Variants in UBE3D observed in about 807,000 individuals in gnomAD.
The protein encoded by UBE3D is E3 ubiquitin-protein ligase E3D.
In UBE3D, 48 loss-of-function variants were observed where a neutral mutation model predicts 49.6. The ratio of observed to expected loss-of-function variants is 0.97; its 90% CI spans 0.77 to 1.23. The LOEUF (loss-of-function observed/expected upper bound fraction) is 1.23. Ranked by LOEUF, UBE3D falls within the 50% of genes most tolerant of loss-of-function variation. The probability of loss-of-function intolerance (pLI) is 0.00; values close to 1 mark genes in which losing one functional copy is unlikely to be tolerated. For missense variants in UBE3D, 452 were observed against 468.4 expected, an observed-to-expected ratio of 0.96 and a Z score of 0.32; for synonymous variants, 189 against 174.2, an observed-to-expected ratio of 1.08 and a Z score of -0.67.
At chr6:82,908,761 C>T (rs966263351) in intron 9 of UBE3D, among the ~76,000 whole-genome samples, 1 of 152,158 alleles carries the variant, frequency 6.6e-6, no homozygotes, top group Admixed American at 6.6e-5. Context: ...CTTTCAAATA[C>T]ACTCTTCCTT....
rs547885207 is a variant in UBE3D, at chr6:83,021,454, A to C, written c.846+999T>G. On this transcript the variant is annotated intron_variant, in intron 7 of 9. Transcript: ENST00000369747. ...AAGACCTTGTCTCAAAAAAACAAAAAACAAACAGGAGCAATAGGACATATT... is the reference window on the plus strand; with the variant it reads ...AAGACCTTGTCTCAAAAAAACAAAACACAAACAGGAGCAATAGGACATATT... Among the ~76,000 whole-genome samples, 3 of 152,166 alleles carry C rather than the reference A, an allele frequency of 2.0e-5. No homozygotes were observed. In the South Asian group the frequency reaches 6.2e-4, roughly 32 times the overall value.
chr6:82,941,188 A>T (rs891874388), intron 9 of UBE3D, among the ~76,000 whole-genome samples: 1 of 152,220 alleles, frequency 6.6e-6, no homozygotes, highest in Non-Finnish European at 1.5e-5. Flanking sequence ...CCTGGGTGAC[A>T]GAGCAAGACT....
At chr6:82,982,586 C>G (rs746098524) in intron 8 of UBE3D, among the ~76,000 whole-genome samples, 14 of 152,154 alleles carry the variant, frequency 9.2e-5, no homozygotes, top group African/African-American at 3.1e-4. Flanking sequence ...CCCTGTCCCC[C>G]GAATTTCCTA....
At chr6:82,923,536 A>G (rs1015344834) in intron 9 of UBE3D, among the ~76,000 whole-genome samples, 1 of 152,144 alleles carries the variant, frequency 6.6e-6, no homozygotes, top group Non-Finnish European at 1.5e-5. Context: ...AGAGAGGGGA[A>G]CATCACACAC....
chr6:82,940,879 G>T (rs1774956901), intron 9 of UBE3D, among the ~76,000 whole-genome samples: 1 of 152,138 alleles, frequency 6.6e-6, no homozygotes, highest in Admixed American at 6.5e-5. Context: ...ATATATTTGT[G>T]TGTGCGTGTA....
rs1326358246 is a variant in UBE3D, at chr6:83,022,186, C to T, written c.846+267G>A. Among the ~76,000 whole-genome samples the T allele has an allele frequency of 2.0e-5, 3 of 152,088 alleles. No homozygotes were observed. The East Asian group carries it at 5.8e-4, about 29-fold the overall frequency. ...AGACTACAGGCATGGGCCACCATGT[C>T]AGGCTAATTTTTGTATTTTTAGTAG... On this transcript the variant is annotated intron_variant, in intron 7 of 9. Coordinates refer to ENST00000369747, the MANE Select transcript of UBE3D (RefSeq NM_198920.3).
chr6:83,046,698 G>C (rs1440400093), intron 3 of UBE3D, among the ~76,000 whole-genome samples: 1 of 148,724 alleles, frequency 6.7e-6, no homozygotes, highest in Non-Finnish European at 1.5e-5. Flanking sequence ...TGGCACCGGG[G>C]GAGCAGTACA....
At chr6:83,031,835 G>A (rs1158236291) in intron 5 of UBE3D, among the ~76,000 whole-genome samples, 3 of 152,180 alleles carry the variant, frequency 2.0e-5, no homozygotes, top group East Asian at 3.9e-4. Context: ...GGCTAAAAGG[G>A]GCCAAGGTAC....
intron 9 of UBE3D, among the ~76,000 whole-genome samples, chr6:82,915,224 T>C (rs1276317663): frequency 6.6e-6 from 1 of 152,174 alleles, no homozygotes; most frequent in East Asian, 1.9e-4. Flanking sequence ...GCTCCATGCC[T>C]CTAAGACACA....
At chr6:82,933,727 A>G (rs1774337355) in intron 9 of UBE3D, among the ~76,000 whole-genome samples, 1 of 152,258 alleles carries the variant, frequency 6.6e-6, no homozygotes, top group Non-Finnish European at 1.5e-5. Context: ...GTTAAATCAT[A>G]GAGAGCCAAA....
At chr6:82,967,506 A>C (rs1301013391) in intron 8 of UBE3D, among the ~76,000 whole-genome samples, 1 of 152,076 alleles carries the variant, frequency 6.6e-6, no homozygotes, top group Non-Finnish European at 1.5e-5. Context: ...GCAACCACTA[A>C]TCTGTTCTTC....
intron 8 of UBE3D, among the ~76,000 whole-genome samples, chr6:83,010,051 T>C (rs58010477): frequency 0.028 from 4,238 of 151,752 alleles, 193 homozygotes; most frequent in African/African-American, 0.096. Context: ...GGATCCAACA[T>C]AGGAGGAGGT....
At chr6:83,057,412 T>C (rs1215492636) in intron 2 of UBE3D, among the ~76,000 whole-genome samples, 1 of 152,246 alleles carries the variant, frequency 6.6e-6, no homozygotes, top group Non-Finnish European at 1.5e-5. Context: ...GAACCTAGAT[T>C]GATGCCTAGC....
intron 8 of UBE3D, among the ~76,000 whole-genome samples, chr6:82,987,874 A>G (rs1173741314): frequency 2.0e-5 from 3 of 152,254 alleles, no homozygotes; most frequent in African/African-American, 7.2e-5. Context: ...TGACAAAAGA[A>G]TATCTTACAG....
Position 83,065,562 on chromosome 6 carries a change from CAG to C in UBE3D, c.77+78_77+79del, listed in dbSNP as rs1582790933. 1.5e-5 allele frequency: 20 copies of C among 1,354,696 alleles called. No homozygotes were observed. The East Asian group carries it at 4.1e-4, about 28-fold the overall frequency. The allele number at this position is 1,354,696 out of a possible 1,614,324, so 83.9% of individuals were successfully genotyped here. A position where few individuals can be genotyped will look rare whatever the true frequency, so the allele number is the denominator to read the frequency against. The stretch of plus-strand genomic sequence containing the variant: ...AAGAAGAAACTCAAAATCCCTCGTA[CAG>C]AGAGAGACTCACCAGCCCCCGACCC... On this transcript the variant is annotated intron_variant, in intron 1 of 9. Transcript: ENST00000369747.
chr6:82,996,639 A>G (rs2127739234), intron 8 of UBE3D, among the ~76,000 whole-genome samples: 1 of 152,264 alleles, frequency 6.6e-6, no homozygotes, highest in South Asian at 2.1e-4. Flanking sequence ...CTAAGTAATC[A>G]AGACTAACAT....
chr6:82,883,256 G>T, the UBE3D span, among the ~76,000 whole-genome samples: 1 of 152,184 alleles, frequency 6.6e-6, no homozygotes, highest in African/African-American at 2.4e-5. Context: ...TAGAGGAAGT[G>T]ATATTGGAAA....
chr6:82,906,191 A>G (rs9444019), intron 9 of UBE3D, among the ~76,000 whole-genome samples: 41,765 of 151,908 alleles, frequency 0.27, 8,589 homozygotes, highest in African/African-American at 0.59. Context: ...TGTGGTCCAC[A>G]TATTACAATT....
intron 2 of UBE3D, among the ~76,000 whole-genome samples, chr6:83,054,695 A>G (rs1028992061): frequency 6.6e-6 from 1 of 151,512 alleles, no homozygotes; most frequent in Non-Finnish European, 1.5e-5. Context: ...TCTGTCACCC[A>G]GGCTGGAGTG....
Sources: allele counts gnomAD v4.1 joint callset (sites outside exome capture counted in the v4.1 genomes callset), GRCh38; gene constraint gnomAD v4.1.1; transcripts MANE v1.5; gene names NCBI Gene and HGNC (gene_info 2026-07-23, HGNC 2026-07-21).